Variants in ARAP2 observed in about 807,000 individuals in gnomAD.
ARAP2 encodes the protein ArfGAP with RhoGAP domain, ankyrin repeat and PH domain 2.
In ARAP2, 148 loss-of-function variants were observed where a neutral mutation model predicts 194.5. The observed-to-expected ratio is 0.76, with a 90% CI of 0.67 to 0.87. The LOEUF is 0.87. Ranked by LOEUF, ARAP2 falls within the 40% of genes least tolerant of loss-of-function variation. ARAP2 has a pLI of 0.00. For synonymous variants in ARAP2, 695 were observed against 683.5 expected (o/e 1.02, Z -0.26); for missense variants, 2,128 against 1,989.7 (o/e 1.07, Z -1.32).
rs777830696 is a variant in ARAP2 at position 36,114,223 on chromosome 4, G to T, written c.4103C>A (p.Pro1368His). ...TGTGGCCCAAATATCACCTTTTGTA[G>T]GAATAATATTTTTTATCGCTAATAT... ...NDILAIKNII[P>H]TKGDIWATFE... is the part of the protein sequence containing the mutation. Residue 1368 changes from proline to histidine, a missense_variant, in exon 26 of 33, where the codon CCT (proline) becomes CAT (histidine). Coordinates refer to ENST00000303965, the MANE Select transcript of ARAP2 (RefSeq NM_015230.4). 3.7e-6 allele frequency: 6 copies of T among 1,603,340 alleles called. No individual in the cohort carries two copies. Among genetic ancestry groups the T allele is most frequent in the Non-Finnish European group, 5.1e-6 (6 of 1,171,916 alleles).
chr4:36,014,267 A>AAGAAAGAAAGAAAGAAAG (rs1715195238), intron 8 of ARAP2, among the ~76,000 whole-genome samples: 2 of 147,086 alleles, frequency 1.4e-5, no homozygotes, highest in Non-Finnish European at 3.0e-5. Flanking sequence ...GAAAGAAAGA[A>AAGAAAGAAAGAAAGAAAG]AGAAAGAAAG....
intron 6 of ARAP2, among the ~76,000 whole-genome samples, chr4:36,203,389 G>GC (rs1560658421): frequency 6.6e-6 from 1 of 151,980 alleles, no homozygotes; most frequent in Non-Finnish European, 1.5e-5. Flanking sequence ...ATCAAGACCA[G>GC]CCTGAGCAAC....
At chr4:36,052,392 A>G (rs1343385301) in intron 2 of ARAP2, among the ~76,000 whole-genome samples, 1 of 152,210 alleles carries the variant, frequency 6.6e-6, no homozygotes, top group Admixed American at 6.5e-5. Context: ...GGACAAATCA[A>G]TGTTAATTGA....
Position 36,098,048 on chromosome 4 carries a change from G to T in ARAP2, c.4286-6028C>A, listed in dbSNP as rs568741559. Among the ~76,000 whole-genome samples, 59 of 40,784 alleles carry T rather than the reference G, an allele frequency of 1.4e-3. No homozygotes were observed. In the East Asian group the frequency reaches 0.021, roughly 15 times the overall value. The allele number at this position is 40,784 out of a possible 152,430, so 26.8% of individuals were successfully genotyped here. ...ACCAGGCAATGAAACTGAAAAGCTC[G>T]CACCTCCAAAAAAAAAATAGTTTTT... On this transcript the variant is annotated intron_variant, in intron 27 of 32. Transcript: ENST00000303965.
intron 3 of ARAP2, chr4:36,047,097 A>ATGACTTACGTTGTGCTATGT (rs1359007194): frequency 5.9e-5 from 9 of 152,206 alleles, no homozygotes; most frequent in Non-Finnish European, 1.2e-4. Context: ...TCTATAGGAC[A>ATGACTTACGTTGTGCTATGT]TGACTTACGT....
At chr4:36,052,506 T>C (rs1042192438) in intron 2 of ARAP2, among the ~76,000 whole-genome samples, 2 of 152,266 alleles carry the variant, frequency 1.3e-5, no homozygotes, top group Non-Finnish European at 2.9e-5. Context: ...CAGTCCTGAA[T>C]ACTTTTATTG....
rs759933183 is a variant in ARAP2, at chr4:36,210,571, T to G, written c.1306A>C (p.Arg436=). 6.2e-7 allele frequency: 1 copy of G among 1,613,950 alleles called. No individual in the cohort carries two copies. Among genetic ancestry groups the G allele is most frequent in the Non-Finnish European group, 8.5e-7 (1 of 1,179,868 alleles). The part of the protein sequence containing the change: ...RRKNSKASKS[R]TQKALILDSV... Reference sequence around the variant, plus strand: ...TCCAAAATCAAGGCTTTTTGAGTCCTAGATTTAGATGCCTTTGAATTTTTT... The same window carrying G: ...TCCAAAATCAAGGCTTTTTGAGTCCGAGATTTAGATGCCTTTGAATTTTTT... Residue 436 remains arginine (R), a synonymous_variant, in exon 6 of 33, where the codon AGG becomes CGG. Coordinates refer to ENST00000303965, the MANE Select transcript of ARAP2 (RefSeq NM_015230.4).
chr4:36,217,454 G>T (rs1165111129), intron 2 of ARAP2, among the ~76,000 whole-genome samples: 2 of 152,200 alleles, frequency 1.3e-5, no homozygotes, highest in African/African-American at 4.8e-5. Flanking sequence ...CCAGGAGGCG[G>T]AGGTTGCAGT....
intron 6 of ARAP2, among the ~76,000 whole-genome samples, chr4:36,199,253 AC>A (rs1743852140): frequency 6.6e-6 from 1 of 152,224 alleles, no homozygotes; most frequent in African/African-American, 2.4e-5. Context: ...TGAAAAGTTT[AC>A]CATTAATTTC....
chr4:36,075,626 G>T (rs1288265696), intron 31 of ARAP2, among the ~76,000 whole-genome samples: 2 of 151,902 alleles, frequency 1.3e-5, no homozygotes, highest in Non-Finnish European at 2.9e-5. Context: ...TTCCCTCATT[G>T]CCTGGCTTTC....
At chr4:36,047,113 T>A (rs1027186585) in intron 3 of ARAP2, 1 of 152,222 alleles carries the variant, frequency 6.6e-6, no homozygotes, top group East Asian at 1.9e-4. Flanking sequence ...TACGTTGTGC[T>A]ATGTCTTCAT....
At chr4:36,133,182 T>C (rs1016185287) in intron 20 of ARAP2, 44 bp downstream of exon 20, 24 of 1,587,970 alleles carry the variant, frequency 1.5e-5, no homozygotes, top group Admixed American at 6.8e-5. Context: ...GTAAGAACGA[T>C]ACAATCAGTT....
intron 7 of ARAP2, among the ~76,000 whole-genome samples, chr4:36,189,716 C>T (rs1016208348): frequency 2.6e-5 from 4 of 152,122 alleles, no homozygotes; most frequent in African/African-American, 9.7e-5. Flanking sequence ...CCAGCTCTAC[C>T]AACTTTATGC....
intron 15 of ARAP2, 32 bp from the exon 16 acceptor site, chr4:36,151,076 T>C (rs774293788): frequency 1.9e-6 from 3 of 1,561,200 alleles, no homozygotes; most frequent in South Asian, 2.4e-5. Flanking sequence ...AATAACAAAT[T>C]GAGCTAATCA....
At chr4:36,181,209 A>G (rs1739162651) in intron 8 of ARAP2, among the ~76,000 whole-genome samples, 3 of 152,224 alleles carry the variant, frequency 2.0e-5, no homozygotes. Flanking sequence ...GCTCTGACCT[A>G]CATATGGCTT....
intron 9 of ARAP2, among the ~76,000 whole-genome samples, chr4:36,168,671 A>G (rs553796641): frequency 6.6e-6 from 1 of 152,356 alleles, no homozygotes; most frequent in South Asian, 2.1e-4. Flanking sequence ...CATTTAGAAA[A>G]CAAATCATCA....
intron 6 of ARAP2, among the ~76,000 whole-genome samples, chr4:36,204,476 G>A (rs1745095463): frequency 6.6e-6 from 1 of 152,122 alleles, no homozygotes; most frequent in South Asian, 2.1e-4. Context: ...AGAAAAGATG[G>A]AAAGACAAAA....
At chr4:36,113,831 T>C (rs192544582) in intron 26 of ARAP2, among the ~76,000 whole-genome samples, 248 of 152,098 alleles carry the variant, frequency 1.6e-3, no homozygotes, top group Middle Eastern at 3.4e-3. Flanking sequence ...ATATTTTAAA[T>C]CAACATTCCT....
At position 36,121,315 on chromosome 4, in the gene ARAP2, C is replaced by A; in HGVS notation, c.3758G>T (p.Cys1253Phe). Reference sequence around the variant, plus strand: ...GGCATTCATGTGATTGATTTCTGAGCATTTCTGAACCCTGTCAGAGAAAAG... The same window carrying A: ...GGCATTCATGTGATTGATTTCTGAGAATTTCTGAACCCTGTCAGAGAAAAG... ...IIEHLYRVQK[C>F]SEINHMNAHN... is the part of the protein sequence containing the mutation. The change falls in exon 23 of 33, where the codon TGC (cysteine) becomes TTC (phenylalanine). Residue 1253 changes from cysteine to phenylalanine, a missense_variant. Transcript: ENST00000303965. 1 of 1,589,846 alleles carries A rather than the reference C, an allele frequency of 6.3e-7. No individual in the cohort carries two copies. Among genetic ancestry groups the A allele is most frequent in the Non-Finnish European group, 8.6e-7 (1 of 1,167,476 alleles).
Sources: allele counts gnomAD v4.1 joint callset (sites outside exome capture counted in the v4.1 genomes callset), GRCh38; gene constraint gnomAD v4.1.1; transcripts MANE v1.5; gene names NCBI Gene and HGNC (gene_info 2026-07-23, HGNC 2026-07-21).